TAS2R1: variants seen among roughly 807,000 people sequenced by gnomAD.
TAS2R1 encodes taste 2 receptor member 1.
For synonymous variants in TAS2R1, 141 were observed against 134.2 expected, an observed-to-expected ratio of 1.05 and a Z score of -0.35; for missense variants, 370 against 353.4, an observed-to-expected ratio of 1.05 and a Z score of -0.38.
chr5:9,861,938 G>A, the TAS2R1 span, among the ~76,000 whole-genome samples: 1 of 152,190 alleles, frequency 6.6e-6, no homozygotes, highest in Non-Finnish European at 1.5e-5. Context: ...ATAATGGAAC[G>A]AATTGAGTTC....
chr5:9,816,987 T>A, the TAS2R1 span, among the ~76,000 whole-genome samples: 1 of 152,224 alleles, frequency 6.6e-6, no homozygotes, highest in Non-Finnish European at 1.5e-5. Context: ...ATATAGGTAG[T>A]ATTTTTATAA....
At chr5:9,815,153 A>C in the TAS2R1 span, among the ~76,000 whole-genome samples, 2 of 152,214 alleles carry the variant, frequency 1.3e-5, no homozygotes, top group Non-Finnish European at 2.9e-5. Context: ...GGAGGTTGTA[A>C]TTGATCAAAG....
the TAS2R1 span, among the ~76,000 whole-genome samples, chr5:9,856,740 A>C: frequency 6.6e-6 from 1 of 152,222 alleles, no homozygotes; most frequent in Non-Finnish European, 1.5e-5. Flanking sequence ...GCACACAAGG[A>C]AAGAAATCAC....
intron 1 of TAS2R1, among the ~76,000 whole-genome samples, chr5:9,691,676 G>C (rs1175116324): frequency 6.6e-6 from 1 of 152,244 alleles, no homozygotes; most frequent in Admixed American, 6.5e-5. Flanking sequence ...GCCAGGCTGG[G>C]GCTGGCCAGG....
chr5:9,885,533 T>C, the TAS2R1 span, among the ~76,000 whole-genome samples: 1 of 152,236 alleles, frequency 6.6e-6, no homozygotes, highest in African/African-American at 2.4e-5. Flanking sequence ...TTTTCAGTTA[T>C]GTGGTGTTGT....
At chr5:9,634,195 G>A (rs571049980), upstream of TAS2R1, among the ~76,000 whole-genome samples, 136 of 152,148 alleles carry the variant, frequency 8.9e-4, no homozygotes, top group African/African-American at 3.1e-3. Context: ...TGTTGAATAT[G>A]GTGTCCTTTT....
chr5:9,700,598 C>T (rs1164375766), intron 1 of TAS2R1, among the ~76,000 whole-genome samples: 1 of 152,164 alleles, frequency 6.6e-6, no homozygotes, highest in East Asian at 1.9e-4. Flanking sequence ...ATATAATGCG[C>T]TTGCTTGCTA....
chr5:9,754,507 G>A, the TAS2R1 span, among the ~76,000 whole-genome samples: 20 of 152,266 alleles, frequency 1.3e-4, no homozygotes, highest in South Asian at 2.1e-4. Flanking sequence ...AAACCCCATC[G>A]TCTTAGCCCA....
At chr5:9,788,925 C>T in the TAS2R1 span, among the ~76,000 whole-genome samples, 1 of 131,740 alleles carries the variant, frequency 7.6e-6, no homozygotes, top group Admixed American at 8.3e-5. Flanking sequence ...GCCTCCCCAC[C>T]ACAAAAACAG....
At chr5:9,644,632 A>G (rs757377973) in intron 2 of TAS2R1, among the ~76,000 whole-genome samples, 10 of 152,196 alleles carry the variant, frequency 6.6e-5, no homozygotes, top group Non-Finnish European at 1.2e-4. Flanking sequence ...AAGTTTGGAA[A>G]TATGCATTTG....
the TAS2R1 span, among the ~76,000 whole-genome samples, chr5:9,725,948 C>T: frequency 4.0e-5 from 6 of 150,820 alleles, no homozygotes; most frequent in African/African-American, 1.5e-4. Flanking sequence ...TTATGTCTAG[C>T]TCAGGGATTG....
chr5:9,650,496 C>T (rs1740282483), intron 2 of TAS2R1, among the ~76,000 whole-genome samples: 1 of 152,106 alleles, frequency 6.6e-6, no homozygotes, highest in Admixed American at 6.5e-5. Context: ...GATTACACAA[C>T]TCTATGCCTC....
the TAS2R1 span, among the ~76,000 whole-genome samples, chr5:9,882,217 A>C: frequency 6.6e-6 from 1 of 152,252 alleles, no homozygotes; most frequent in Non-Finnish European, 1.5e-5. Context: ...TCTCAAAAGA[A>C]GACATTTATG....
chr5:9,799,230 A>G, the TAS2R1 span, among the ~76,000 whole-genome samples: 13 of 152,364 alleles, frequency 8.5e-5, no homozygotes, highest in South Asian at 1.7e-3. Flanking sequence ...AGTTCAAAAT[A>G]TTTTCCAAAA....
At chr5:9,738,145 G>C in the TAS2R1 span, among the ~76,000 whole-genome samples, 2 of 152,164 alleles carry the variant, frequency 1.3e-5, no homozygotes, top group African/African-American at 4.8e-5. Flanking sequence ...TCCTGCAAGA[G>C]CTGAGTTTTT....
chr5:9,782,237 G>A, the TAS2R1 span, among the ~76,000 whole-genome samples: 1 of 152,218 alleles, frequency 6.6e-6, no homozygotes, highest in Non-Finnish European at 1.5e-5. Flanking sequence ...CTTTGGAGAT[G>A]AAAGAGAGGC....
At chr5:9,896,818 T>C in the TAS2R1 span, among the ~76,000 whole-genome samples, 2 of 152,124 alleles carry the variant, frequency 1.3e-5, no homozygotes, top group Non-Finnish European at 2.9e-5. Context: ...ATAAATCCAA[T>C]CCCATGAACA....
At chr5:9,734,870 C>T in the TAS2R1 span, among the ~76,000 whole-genome samples, 1 of 151,366 alleles carries the variant, frequency 6.6e-6, no homozygotes, top group African/African-American at 2.5e-5. Flanking sequence ...CTTGACTCAC[C>T]TGAATAGTGT....
chr5:9,700,495 T>C (rs1352744210), intron 1 of TAS2R1, among the ~76,000 whole-genome samples: 1 of 152,100 alleles, frequency 6.6e-6, no homozygotes, highest in Non-Finnish European at 1.5e-5. Context: ...TTTCCACCCA[T>C]GCACTTGGCC....
Sources: gnomAD v4.1 joint callset for allele counts (sites outside exome capture counted in the v4.1 genomes callset) on GRCh38, gnomAD v4.1.1 for gene constraint, MANE v1.5 for transcripts, NCBI Gene and HGNC (gene_info 2026-07-23, HGNC 2026-07-21) for gene names.